JAK3: variants seen among roughly 807,000 people sequenced by gnomAD.
The protein encoded by JAK3 is tyrosine-protein kinase JAK3.
JAK3 carries 88 observed loss-of-function variants against 120.8 expected under a neutral mutation model. That is an observed-to-expected ratio of 0.73 (90% CI 0.61 to 0.87). The LOEUF (loss-of-function observed/expected upper bound fraction) is 0.87, where lower values mean the gene tolerates loss of function less well. JAK3 is among the 40% of genes least tolerant of loss of function. The pLI is 0.00. For missense variants in JAK3, 1,254 were observed against 1,501.4 expected, an observed-to-expected ratio of 0.84 and a Z score of 2.72; for synonymous variants, 592 against 628.6, an observed-to-expected ratio of 0.94 and a Z score of 0.87.
Position 17,831,122 on chromosome 19 carries a change from G to T in JAK3, c.2978+106C>A. On this transcript the variant is annotated intron_variant, in intron 21 of 23. Transcript: ENST00000458235. This position sits in a 1 kb window ranked among gnomAD's most constrained non-coding sequence, Gnocchi z 5.1. Reference sequence around the variant, plus strand: ...GCCAAAGCTGCAGCGGAGGAAGGGCGGGGCTAAGGCTGGGGAGCAAAGCAG... The same window carrying T: ...GCCAAAGCTGCAGCGGAGGAAGGGCTGGGCTAAGGCTGGGGAGCAAAGCAG... 2 of 1,239,690 alleles carry T rather than the reference G, an allele frequency of 1.6e-6. No individual in the cohort carries two copies. Among genetic ancestry groups the T allele is most frequent in the East Asian group, 2.4e-5 (1 of 40,922 alleles). The allele number at this position is 1,239,690 out of a possible 1,614,324, so 76.8% of individuals were successfully genotyped here.
chr19:17,835,366 T>C, intron 14 of JAK3, 151 bp from the exon 15 acceptor site: 1 of 1,061,190 alleles, frequency 9.4e-7, no homozygotes, highest in Non-Finnish European at 1.3e-6. Context: ...GTCTTGCCCC[T>C]CTAGTTCACC....
Position 17,832,657 on chromosome 19 carries a change from T to A in JAK3, c.2542A>T (p.Thr848Ser). Reference protein sequence around the residue: ...LCRYDPLGDNTGALVAVKQLQ... With the variant: ...LCRYDPLGDNSGALVAVKQLQ... ...TGTTTCACGGCCACCAGGGCACCTG[T>A]ATTGTCGCCTAGCGGGTCATAGCGG... The change falls in exon 19 of 24, where the codon ACA (threonine) becomes TCA (serine). Residue 848 changes from threonine to serine, a missense_variant. Thr to Ser is a moderately conservative substitution (Grantham distance 58). This residue lies in a region of JAK3 where 630 missense variants were observed against 819.8 expected (regional missense o/e 0.77). Coordinates refer to ENST00000458235, the MANE Select transcript of JAK3 (RefSeq NM_000215.4). The surrounding 1 kb of genome is among the most constrained non-coding windows in gnomAD (Gnocchi z 4.7). 1 of 1,614,190 alleles carries A rather than the reference T, an allele frequency of 6.2e-7. No homozygotes were observed. Among genetic ancestry groups the A allele is most frequent in the Non-Finnish European group, 8.5e-7 (1 of 1,180,028 alleles).
At position 17,836,060 on chromosome 19, in the gene JAK3, C is replaced by T. The variant is rs2094223606; in HGVS notation, c.1787-9G>A. On this transcript the variant is annotated splice_polypyrimidine_tract_variant and intron_variant, in intron 13 of 23. Coordinates refer to ENST00000458235, the MANE Select transcript of JAK3 (RefSeq NM_000215.4). ...TTCCTGCACCATGGTGCCTGGTTGGCAGCAGGGAGAGGCGGGGTTGGGAGA... is the reference window on the plus strand; with the variant it reads ...TTCCTGCACCATGGTGCCTGGTTGGTAGCAGGGAGAGGCGGGGTTGGGAGA... 1 of 1,612,174 alleles carries T rather than the reference C, an allele frequency of 6.2e-7. No individual in the cohort carries two copies. The highest frequency in any genetic ancestry group is 1.7e-5 in the Admixed American group (1 of 59,964).
rs189629654 is a variant in JAK3 at position 17,827,419 on chromosome 19, C to G, written c.3208-509G>C. On this transcript the variant is annotated intron_variant, in intron 23 of 23. Coordinates refer to ENST00000458235, the MANE Select transcript of JAK3 (RefSeq NM_000215.4). Reference sequence around the variant, plus strand: ...CTGGAATGCAGTGGTGCGATCTCGGCTCACTGCAAACCCTGCCTCCTGGGT... The same window carrying G: ...CTGGAATGCAGTGGTGCGATCTCGGGTCACTGCAAACCCTGCCTCCTGGGT... Among the ~76,000 whole-genome samples, 593 of 152,006 alleles carry G rather than the reference C, an allele frequency of 3.9e-3. 3 individuals carry two copies. The highest frequency in any genetic ancestry group is 0.013 in the African/African-American group (527 of 41,480).
At chr19:17,846,405 C>A (rs937791539) in intron 1 of JAK3, among the ~76,000 whole-genome samples, 2 of 152,116 alleles carry the variant, frequency 1.3e-5, no homozygotes, top group Non-Finnish European at 1.5e-5. Context: ...ACCAAAGGGA[C>A]ACTTTGATGT....
At chr19:17,830,915 A>C in intron 21 of JAK3, among the ~76,000 whole-genome samples, 2 of 102,658 alleles carry the variant, frequency 1.9e-5, no homozygotes, top group Non-Finnish European at 2.0e-5. Flanking sequence ...GAAGGGCGGA[A>C]CTAAGAGGGG....
chr19:17,844,556 TG>T, intron 1 of JAK3, 126 bp from the exon 2 acceptor site: 1 of 796,314 alleles, frequency 1.3e-6, no homozygotes, highest in South Asian at 1.8e-5. Context: ...CACAGCATTT[TG>T]GGAGGCCGAG....
chr19:17,838,523 T>C, intron 10 of JAK3, 133 bp from the exon 11 acceptor site: 3 of 970,078 alleles, frequency 3.1e-6, no homozygotes, highest in Non-Finnish European at 3.2e-6. Context: ...GGCACATGGC[T>C]TTTTGTTGTT....
rs1464769693 is a variant in JAK3, at chr19:17,839,628, G to T, written c.1290C>A (p.Ile430=). 6.2e-7 allele frequency: 1 copy of T among 1,611,902 alleles called. No individual in the cohort carries two copies. Among genetic ancestry groups the T allele is most frequent in the Non-Finnish European group, 8.5e-7 (1 of 1,179,404 alleles). The change falls in exon 10 of 24, where the codon ATC becomes ATA. Residue 430 remains isoleucine (I), a synonymous_variant. Transcript: ENST00000458235. The part of the protein sequence containing the change: ...PLGPDYKGCL[I]RRSPTGTFLL... ...GGAAGGTTCCTGTGGGGCTGCGCCG[G>T]ATGAGGCAGCCCTTATAATCAGGAC...
chr19:17,830,467 GAGA>G (rs1568400815), intron 22 of JAK3, 33 bp downstream of exon 22: 11 of 1,537,270 alleles, frequency 7.2e-6, no homozygotes, highest in Non-Finnish European at 9.9e-6. Flanking sequence ...GGCGTGGAGG[GAGA>G]AGAAGGCTGG....
At position 17,842,282 on chromosome 19, in the gene JAK3, G is replaced by A. The variant is rs2147696717; in HGVS notation, c.861+34C>T. 1.4e-6 allele frequency: 1 copy of A among 732,464 alleles called. No homozygotes were observed. The highest frequency in any genetic ancestry group is 2.0e-6 in the Non-Finnish European group (1 of 507,306). The allele number at this position is 732,464 out of a possible 1,614,324, so 45.4% of individuals were successfully genotyped here. The stretch of plus-strand genomic sequence containing the variant: ...GCCCCTCCCCGAGCCCCGCCCCCAC[G>A]TTGGCCCCGCCCAGCGGGGGAGTCC... On this transcript the variant is annotated intron_variant, in intron 6 of 23. Transcript: ENST00000458235. The surrounding 1 kb of genome is among the most constrained non-coding windows in gnomAD (Gnocchi z 6.4).
chr19:17,831,461 A>G lies in JAK3; in HGVS notation c.2806-61T>C. 1 of 1,589,744 alleles carries G rather than the reference A, an allele frequency of 6.3e-7. No homozygotes were observed. Among genetic ancestry groups the G allele is most frequent in the East Asian group, 2.2e-5 (1 of 44,786 alleles). On this transcript the variant is annotated intron_variant, in intron 20 of 23. Coordinates refer to ENST00000458235, the MANE Select transcript of JAK3 (RefSeq NM_000215.4). This position sits in a 1 kb window ranked among gnomAD's most constrained non-coding sequence, Gnocchi z 5.1. The stretch of plus-strand genomic sequence containing the variant: ...CCAGGATAATCCGGCAGGTACCCCA[A>G]GCGTGACCTGGCACCCCAACCCAGA...
At position 17,841,775 on chromosome 19, in the gene JAK3, G is replaced by C. The variant is rs199600167; in HGVS notation, c.862-13C>G. ...AGGGCTGGAGGACCTGGGAAGGAGG[G>C]GGAGTACCGAAGTGGGGGCCCAGCT... is the stretch of plus-strand genomic sequence containing the variant. On this transcript the variant is annotated splice_polypyrimidine_tract_variant and intron_variant, in intron 6 of 23. Transcript: ENST00000458235. The surrounding 1 kb of genome is among the most constrained non-coding windows in gnomAD (Gnocchi z 4.1). 8 of 1,602,076 alleles carry C rather than the reference G, an allele frequency of 5.0e-6. No individual in the cohort carries two copies. The Middle Eastern group carries it at 5.0e-4, about 99-fold the overall frequency.
rs2094232975 is a variant in JAK3, at chr19:17,839,676, GTGGCCCCTGAGTGGGAC to G, written c.1255-30_1255-14del. 1 of 1,604,678 alleles carries G rather than the reference GTGGCCCCTGAGTGGGAC, an allele frequency of 6.2e-7. No homozygotes were observed. Reference sequence around the variant, plus strand: ...GACCAAGGGGGTTCTGCAAAGAAGAGTGGCCCCTGAGTGGGACTGAGCGACAGACACTCTCCTTCTCA... The same window carrying G: ...GACCAAGGGGGTTCTGCAAAGAAGAGTGAGCGACAGACACTCTCCTTCTCA... On this transcript the variant is annotated splice_polypyrimidine_tract_variant and intron_variant, in intron 9 of 23. Coordinates refer to ENST00000458235, the MANE Select transcript of JAK3 (RefSeq NM_000215.4).
rs958079948 is a variant in JAK3 at position 17,835,306 on chromosome 19, T to C, written c.1915-91A>G. On this transcript the variant is annotated intron_variant, in intron 14 of 23. Coordinates refer to ENST00000458235, the MANE Select transcript of JAK3 (RefSeq NM_000215.4). ...CTCCTATACATCCTTCAAAACCCACTTGGTACTGCTCAGACATGCTCCAGC... is the reference window on the plus strand; with the variant it reads ...CTCCTATACATCCTTCAAAACCCACCTGGTACTGCTCAGACATGCTCCAGC... 4 of 1,482,424 alleles carry C rather than the reference T, an allele frequency of 2.7e-6. No homozygotes were observed. In the African/African-American group the frequency reaches 5.5e-5, roughly 20 times the overall value. The allele number at this position is 1,482,424 out of a possible 1,614,324, so 91.8% of individuals were successfully genotyped here.
rs1282790647 is a variant in JAK3 at position 17,842,373 on chromosome 19, C to G, written c.804G>C (p.Leu268=). Residue 268 remains leucine, a synonymous_variant, in exon 6 of 24, where the codon CTG becomes CTC. Coordinates refer to ENST00000458235, the MANE Select transcript of JAK3 (RefSeq NM_000215.4). The surrounding 1 kb of genome is among the most constrained non-coding windows in gnomAD (Gnocchi z 6.4). ...CGTCACCAGCCACGCGGAGCAGCCCCAGCCCGTCGTGGCCACCAAGGGCCC... is the reference window on the plus strand; with the variant it reads ...CGTCACCAGCCACGCGGAGCAGCCCGAGCCCGTCGTGGCCACCAAGGGCCC... ...LPGALGGHDG[L]GLLRVAGDGG... 1 of 1,588,374 alleles carries G rather than the reference C, an allele frequency of 6.3e-7. No homozygotes were observed.
intron 17 of JAK3, among the ~76,000 whole-genome samples, chr19:17,833,308 ACTCT>A (rs1434821326): frequency 6.6e-6 from 1 of 151,706 alleles, no homozygotes; most frequent in Non-Finnish European, 1.5e-5. Flanking sequence ...GGCCCTCCAC[ACTCT>A]CTCTTTTATC....
At chr19:17,835,361 G>T in intron 14 of JAK3, 146 bp from the exon 15 acceptor site, 1 of 1,115,456 alleles carries the variant, frequency 9.0e-7, no homozygotes, top group Non-Finnish European at 1.3e-6. Flanking sequence ...ATCCTGTCTT[G>T]CCCCTCTAGT....
In JAK3 at chr19:17,842,807, C is replaced by T; in HGVS notation, c.567-197G>A. On this transcript the variant is annotated intron_variant, in intron 5 of 23. Transcript: ENST00000458235. The surrounding 1 kb of genome is among the most constrained non-coding windows in gnomAD (Gnocchi z 6.4). ...GGGAGGGCCATTGGCGCCCACAGGT[C>T]GGACAGGGACCCCACAGGCCTTTTA... 1.2e-6 allele frequency: 1 copy of T among 827,098 alleles called. No individual in the cohort carries two copies. The highest frequency in any genetic ancestry group is 1.9e-6 in the Non-Finnish European group (1 of 529,362). 51.2% of individuals were successfully genotyped at this position (827,098 alleles called of 1,614,324 possible).
Sources: allele counts gnomAD v4.1 joint callset (sites outside exome capture counted in the v4.1 genomes callset), GRCh38; gene constraint gnomAD v4.1.1; regional missense constraint gnomAD v4.1.1; non-coding constraint Gnocchi (gnomAD v3.1); transcripts MANE v1.5; gene names NCBI Gene and HGNC (gene_info 2026-07-23, HGNC 2026-07-21).